Variants in THEM4 observed in about 807,000 individuals in gnomAD.
THEM4 encodes the protein acyl-coenzyme A thioesterase THEM4.
A neutral mutation model predicts 25.0 loss-of-function variants in THEM4; 22 were observed. The ratio of observed to expected loss-of-function variants is 0.88; its 90% CI spans 0.63 to 1.26. The LOEUF is 1.26. Ranked by LOEUF, THEM4 falls within the 50% of genes most tolerant of loss-of-function variation. THEM4 has a pLI of 0.00. For missense variants in THEM4, 286 were observed against 300.3 expected, an observed-to-expected ratio of 0.95 and a Z score of 0.35; for synonymous variants, 113 against 105.6, an observed-to-expected ratio of 1.07 and a Z score of -0.43.
Position 151,889,236 on chromosome 1 carries a change from G to T in THEM4, c.424C>A (p.Pro142Thr). 1 of 1,612,754 alleles carries T rather than the reference G, an allele frequency of 6.2e-7. No individual in the cohort carries two copies. The highest frequency in any genetic ancestry group is 1.1e-5 in the South Asian group (1 of 91,014). Residue 142 changes from proline (P) to threonine (T), a missense_variant, in exon 3 of 6, where the codon CCT (proline) becomes ACT (threonine). By Grantham distance (38) the Pro-to-Thr change is conservative. Transcript: ENST00000368814. ...KRMVCLFQGG[P>T]YLEGPPGFIH... ...TACCCAGGTGGTCCTTCCAGGTAAG[G>T]GCCTCCTTGAAATAAGCAAACCATC... is the stretch of plus-strand genomic sequence containing the variant.
At chr1:151,894,410 T>C (rs1344417076) in intron 2 of THEM4, among the ~76,000 whole-genome samples, 1 of 152,052 alleles carries the variant, frequency 6.6e-6, no homozygotes, top group Non-Finnish European at 1.5e-5. Flanking sequence ...TTGTAACAAA[T>C]ACACCACAGT....
intron 1 of THEM4, among the ~76,000 whole-genome samples, chr1:151,906,662 G>A (rs1390583070): frequency 1.3e-5 from 2 of 152,318 alleles, no homozygotes; most frequent in South Asian, 2.1e-4. Flanking sequence ...TACACCAATC[G>A]GCACTCTGTA....
intron 4 of THEM4, among the ~76,000 whole-genome samples, chr1:151,877,455 C>A (rs574090679): frequency 6.6e-6 from 1 of 152,348 alleles, no homozygotes; most frequent in African/African-American, 2.4e-5. Flanking sequence ...CCTAAGGGAG[C>A]TGAAATGCTT....
intron 1 of THEM4, 79 bp downstream of exon 1, chr1:151,909,281 T>A: frequency 2.4e-6 from 3 of 1,244,764 alleles, no homozygotes; most frequent in Admixed American, 4.8e-5. Context: ...GGGGTATGGA[T>A]AACAATCGAA....
intron 2 of THEM4, 91 bp downstream of exon 2, chr1:151,894,917 T>TA (rs755157680): frequency 7.4e-7 from 1 of 1,343,190 alleles, no homozygotes; most frequent in South Asian, 1.2e-5. Flanking sequence ...TTATATTCTT[T>TA]CTTTTTTTCA....
intron 1 of THEM4, among the ~76,000 whole-genome samples, chr1:151,902,498 G>C (rs1309493279): frequency 6.6e-6 from 1 of 152,082 alleles, no homozygotes; most frequent in East Asian, 1.9e-4. Flanking sequence ...GACTTGGGGG[G>C]AAGAATGGGA....
chr1:151,889,869 T>G, intron 2 of THEM4: 1 of 155,836 alleles, frequency 6.4e-6, no homozygotes, highest in Non-Finnish European at 1.4e-5. Context: ...ACCATTAGGG[T>G]TCATGAAATC....
rs1653538462 is a variant in THEM4 at position 151,870,991 on chromosome 1, C to T, written c.*3897G>A. Among the ~76,000 whole-genome samples, 1 of 152,142 alleles carries T rather than the reference C, an allele frequency of 6.6e-6. No homozygotes were observed. ...AAGATATTTTAGCACTAACCAGCATCAATTCCTAATATTCATTCAAAATGT... is the reference window on the plus strand; with the variant it reads ...AAGATATTTTAGCACTAACCAGCATTAATTCCTAATATTCATTCAAAATGT... On this transcript the variant is annotated 3_prime_UTR_variant, in exon 6 of 6. Transcript: ENST00000368814.
intron 1 of THEM4, among the ~76,000 whole-genome samples, chr1:151,904,825 TGAAAA>T (rs1654421952): frequency 6.6e-6 from 1 of 152,032 alleles, no homozygotes; most frequent in Non-Finnish European, 1.5e-5. Context: ...GTGAATAGAA[TGAAAA>T]GAAAGGTTTT....
At position 151,909,463 on chromosome 1, in the gene THEM4, C is replaced by T. The variant is rs1378035575; in HGVS notation, c.-5G>A. 25 of 1,385,732 alleles carry T rather than the reference C, an allele frequency of 1.8e-5. No individual in the cohort carries two copies. The South Asian group carries it at 1.9e-4, about 11-fold the overall frequency. The allele number at this position is 1,385,732 out of a possible 1,614,324, so 85.8% of individuals were successfully genotyped here. A position where few individuals can be genotyped will look rare whatever the true frequency, so the allele number is the denominator to read the frequency against. ...CGCGGCGCAGCTCCTCAGCATGGCTCCGGGCCGCGGGGCCGCGCTTGCTCT... is the reference window on the plus strand; with the variant it reads ...CGCGGCGCAGCTCCTCAGCATGGCTTCGGGCCGCGGGGCCGCGCTTGCTCT... On this transcript the variant is annotated 5_prime_UTR_variant, in exon 1 of 6. Coordinates refer to ENST00000368814, the MANE Select transcript of THEM4 (RefSeq NM_053055.5).
intron 4 of THEM4, among the ~76,000 whole-genome samples, chr1:151,883,478 A>G (rs550335461): frequency 1.0e-3 from 155 of 152,134 alleles, no homozygotes; most frequent in African/African-American, 3.3e-3. Flanking sequence ...AGCATGGGGG[A>G]AACTGCCCCC....
At chr1:151,884,687 G>GTTTTTTTTT (rs11371460) in intron 4 of THEM4, among the ~76,000 whole-genome samples, 1 of 146,500 alleles carries the variant, frequency 6.8e-6, no homozygotes, top group Non-Finnish European at 1.5e-5. Context: ...CCTTTTTTTT[G>GTTTTTTTTT]TTTTTTTTTT....
Position 151,871,064 on chromosome 1 carries a change from C to T in THEM4, c.*3824G>A, listed in dbSNP as rs1215740404. On this transcript the variant is annotated 3_prime_UTR_variant, in exon 6 of 6. Coordinates refer to ENST00000368814, the MANE Select transcript of THEM4 (RefSeq NM_053055.5). Reference sequence around the variant, plus strand: ...AACAGGTTGAGCAAGGTGGCTCATGCCTGTAATCCCAGTACTTTGGCAGGC... The same window carrying T: ...AACAGGTTGAGCAAGGTGGCTCATGTCTGTAATCCCAGTACTTTGGCAGGC... 6.6e-6 allele frequency among the ~76,000 whole-genome samples: 1 copy of T among 152,140 alleles called. No individual in the cohort carries two copies. Among genetic ancestry groups the T allele is most frequent in the East Asian group, 1.9e-4 (1 of 5,194 alleles).
rs1572071943 is a variant in THEM4, at chr1:151,877,627, C to A, written c.558-502G>T. 2.0e-5 allele frequency among the ~76,000 whole-genome samples: 3 copies of A among 152,292 alleles called. No homozygotes were observed. In the South Asian group the frequency reaches 6.2e-4, roughly 32 times the overall value. Reference sequence around the variant, plus strand: ...GCTTACTGCTCTAAGTCAGTACTGTCCAATAGAACTTTCTGTGATGATACA... The same window carrying A: ...GCTTACTGCTCTAAGTCAGTACTGTACAATAGAACTTTCTGTGATGATACA... On this transcript the variant is annotated intron_variant, in intron 4 of 5. Transcript: ENST00000368814.
At chr1:151,892,469 T>G (rs1654116091) in intron 2 of THEM4, among the ~76,000 whole-genome samples, 1 of 152,210 alleles carries the variant, frequency 6.6e-6, no homozygotes, top group African/African-American at 2.4e-5. Context: ...CAGTCAGTTG[T>G]GTGATGTGCT....
intron 1 of THEM4, among the ~76,000 whole-genome samples, chr1:151,896,416 C>T (rs7542137): frequency 0.61 from 93,167 of 151,956 alleles, 28,909 homozygotes; most frequent in Admixed American, 0.68. Context: ...CAGCCTCAGG[C>T]ATTTCTTTAT....
chr1:151,891,298 G>A (rs1356850430), intron 2 of THEM4: 3 of 152,216 alleles, frequency 2.0e-5, no homozygotes, highest in African/African-American at 7.2e-5. Context: ...GAATCATTCT[G>A]ACAGTTGAGT....
intron 4 of THEM4, among the ~76,000 whole-genome samples, chr1:151,882,039 T>TC (rs1053747358): frequency 6.6e-6 from 1 of 151,760 alleles, no homozygotes; most frequent in African/African-American, 2.4e-5. Context: ...AATTTTTTTT[T>TC]TCTCTCTCTC....
chr1:151,880,539 A>G (rs1216032474), intron 4 of THEM4, among the ~76,000 whole-genome samples: 2 of 152,130 alleles, frequency 1.3e-5, no homozygotes, highest in African/African-American at 4.8e-5. Context: ...GGGCTAGTCA[A>G]CTTCTCCCTA....
Sources: gnomAD v4.1 joint callset for allele counts (sites outside exome capture counted in the v4.1 genomes callset) on GRCh38, gnomAD v4.1.1 for gene constraint, MANE v1.5 for transcripts, NCBI Gene and HGNC (gene_info 2026-07-23, HGNC 2026-07-21) for gene names.